The following SLC5A5 variants were observed in gnomAD, a reference collection of about 807,000 sequenced individuals.
SLC5A5 encodes sodium/iodide cotransporter.
In SLC5A5, 56 loss-of-function variants were observed where a neutral mutation model predicts 68.6. The ratio of observed to expected loss-of-function variants is 0.82; its 90% CI spans 0.66 to 1.02. The LOEUF (loss-of-function observed/expected upper bound fraction) is 1.02, where lower values mean the gene tolerates loss of function less well. Ranked by LOEUF, SLC5A5 falls within the 50% of genes least tolerant of loss-of-function variation. The probability of loss-of-function intolerance (pLI) is 0.00; values close to 1 mark genes in which losing one functional copy is unlikely to be tolerated. For synonymous variants in SLC5A5, 398 were observed against 373.0 expected (o/e 1.07, Z -0.77); for missense variants, 807 against 859.8 (o/e 0.94, Z 0.77).
chr19:17,894,152 T>TTTC lies in SLC5A5; in HGVS notation c.*277_*278insCTT. 2.8e-5 allele frequency: 11 copies of TTTC among 395,670 alleles called. No homozygotes were observed. The highest frequency in any genetic ancestry group is 4.9e-5 in the South Asian group (2 of 40,550). 24.5% of individuals were successfully genotyped at this position (395,670 alleles called of 1,614,324 possible). A position where few individuals can be genotyped will look rare whatever the true frequency, so the allele number is the denominator to read the frequency against. ...GGGTTTTTCTCTCTCTCTTTTTTTTTTTTTTTTTTTTTTGAGACAGGGTCA... is the reference window on the plus strand; with the variant it reads ...GGGTTTTTCTCTCTCTCTTTTTTTTTTTCTTTTTTTTTTTTTGAGACAGGGTCA... On this transcript the variant is annotated 3_prime_UTR_variant, in exon 15 of 15. Coordinates refer to ENST00000222248, the MANE Select transcript of SLC5A5 (RefSeq NM_000453.3).
intron 13 of SLC5A5, among the ~76,000 whole-genome samples, chr19:17,888,735 C>T (rs763996080): frequency 6.6e-6 from 1 of 151,522 alleles, no homozygotes; most frequent in Admixed American, 6.6e-5. Flanking sequence ...CAGATTCAAG[C>T]GATTCTCATG....
chr19:17,893,845 G>A lies in SLC5A5; in HGVS notation c.1900G>A (p.Gly634Ser), dbSNP rs745529879. ...TTGGACCCCCTGTGTTGGACATGAT[G>A]GTGGTCGAGACCAGCAGGAGACAAA... ...GSWTPCVGHD[G>S]GRDQQETNL Residue 634 changes from glycine to serine, a missense_variant, in exon 15 of 15, where the codon GGT becomes AGT. Coordinates refer to ENST00000222248, the MANE Select transcript of SLC5A5 (RefSeq NM_000453.3). 1.9e-6 allele frequency: 3 copies of A among 1,583,622 alleles called. No homozygotes were observed. The highest frequency in any genetic ancestry group is 2.7e-5 in the African/African-American group (2 of 73,982).
rs758630242 is a variant in SLC5A5 at position 17,874,725 on chromosome 19, G to C, written c.537G>C (p.Thr179=). Residue 179 remains threonine, a synonymous_variant, in exon 4 of 15, where the codon ACG becomes ACC. Transcript: ENST00000222248. ...CCGGAATTATCTGCACCTTCTACAC[G>C]GCTGTGGTGAGTGGCCCTGGGAACT... ...LSTGIICTFY[T]AVGGMKAVVW... is the part of the protein sequence containing the mutation. The C allele has an allele frequency of 6.2e-7, 1 of 1,614,080 alleles. No individual in the cohort carries two copies. Among genetic ancestry groups the C allele is most frequent in the Non-Finnish European group, 8.5e-7 (1 of 1,179,990 alleles).
In SLC5A5 at chr19:17,872,529, C is replaced by T. The variant is rs749639891; in HGVS notation, c.210C>T (p.Ala70=). The change falls in exon 1 of 15, where the codon GCC becomes GCT. Residue 70 remains alanine, a synonymous_variant. Transcript: ENST00000222248. ...CGCTGTCTGCCAGCTTCATGTCGGC[C>T]GTGCAGGTGCTGGGCGTGCCGTCGG... ...GLSLSASFMS[A]VQVLGVPSEA... is the part of the protein sequence containing the mutation. 1.2e-6 allele frequency: 2 copies of T among 1,612,646 alleles called. No homozygotes were observed. Among genetic ancestry groups the T allele is most frequent in the Non-Finnish European group, 8.5e-7 (1 of 1,179,918 alleles).
At position 17,882,051 on chromosome 19, in the gene SLC5A5, G is replaced by A. The variant is rs200231414; in HGVS notation, c.1150G>A (p.Val384Met). 6 of 1,614,062 alleles carry A rather than the reference G, an allele frequency of 3.7e-6. No homozygotes were observed. Among genetic ancestry groups the A allele is most frequent in the Admixed American group, 3.3e-5 (2 of 60,018 alleles). Residue 384 changes from valine (V) to methionine (M), a missense_variant, in exon 9 of 15, where the codon GTG becomes ATG. Coordinates refer to ENST00000222248, the MANE Select transcript of SLC5A5 (RefSeq NM_000453.3). ...RLRSLAPRKL[V>M]IISKGLSLIY... ...GCGGAGCCTGGCACCCAGGAAACTCGTGATTATCTCCAAGGGGCTCTGTGA... is the reference window on the plus strand; with the variant it reads ...GCGGAGCCTGGCACCCAGGAAACTCATGATTATCTCCAAGGGGCTCTGTGA...
intron 10 of SLC5A5, among the ~76,000 whole-genome samples, chr19:17,883,163 G>A (rs895003676): frequency 6.6e-6 from 1 of 151,810 alleles, no homozygotes; most frequent in African/African-American, 2.4e-5. Context: ...GTCTCGCTTC[G>A]TGCCTAGGCT....
intron 8 of SLC5A5, among the ~76,000 whole-genome samples, chr19:17,881,352 C>A (rs184071913): frequency 1.8e-3 from 270 of 152,058 alleles, no homozygotes; most frequent in African/African-American, 6.2e-3. Context: ...CTGCAACCTC[C>A]ACCTCCTGGG....
At chr19:17,872,940 A>C (rs1465943190) in intron 1 of SLC5A5, among the ~76,000 whole-genome samples, 1 of 152,088 alleles carries the variant, frequency 6.6e-6, no homozygotes. Flanking sequence ...GCCCGGCTCG[A>C]CCAGGTGTGT....
rs1389518713 is a variant in SLC5A5 at position 17,888,447 on chromosome 19, G to A, written c.1643G>A (p.Cys548Tyr). 14 of 1,613,634 alleles carry A rather than the reference G, an allele frequency of 8.7e-6. No individual in the cohort carries two copies. In the East Asian group the frequency reaches 2.5e-4, roughly 28 times the overall value. Reference protein sequence around the residue: ...TTVLCGALISCLTGPTKRSTL... With the variant: ...TTVLCGALISYLTGPTKRSTL... ...GTGCTGTGCGGAGCCCTCATCAGCT[G>A]CCTGACAGGTAGGTAAACAGAGCAT... The change falls in exon 13 of 15, where the codon TGC becomes TAC. Residue 548 changes from cysteine to tyrosine, a missense_variant. Physicochemically the swap from Cys to Tyr is radical, Grantham distance 194. Coordinates refer to ENST00000222248, the MANE Select transcript of SLC5A5 (RefSeq NM_000453.3).
At chr19:17,877,699 C>T in intron 5 of SLC5A5, 24 bp from the exon 6 acceptor site, 1 of 1,613,688 alleles carries the variant, frequency 6.2e-7, no homozygotes, top group Non-Finnish European at 8.5e-7. Context: ...CTCCACGTGG[C>T]TAACTTGCCC....
intron 12 of SLC5A5, among the ~76,000 whole-genome samples, chr19:17,885,843 T>A (rs2029895730): frequency 6.6e-6 from 1 of 151,966 alleles, no homozygotes; most frequent in African/African-American, 2.4e-5. Context: ...AAATATGTGA[T>A]CTTTTGTGTC....
At chr19:17,878,893 T>C (rs1334190940) in intron 7 of SLC5A5, among the ~76,000 whole-genome samples, 2 of 145,086 alleles carry the variant, frequency 1.4e-5, no homozygotes, top group Non-Finnish European at 3.0e-5. Context: ...GAGAATAGCT[T>C]GAACCCGGGA....
chr19:17,881,934 G>T (rs746615726), intron 8 of SLC5A5, 26 bp from the exon 9 acceptor site: 2 of 1,571,706 alleles, frequency 1.3e-6, no homozygotes, highest in South Asian at 1.1e-5. Flanking sequence ...ATGGCCTGAG[G>T]ACCCCCCGCT....
chr19:17,872,313 C>A lies in SLC5A5; in HGVS notation c.-7C>A, dbSNP rs527546875. 1.3e-6 allele frequency: 2 copies of A among 1,572,124 alleles called. No homozygotes were observed. Among genetic ancestry groups the A allele is most frequent in the South Asian group, 1.2e-5 (1 of 86,642 alleles). On this transcript the variant is annotated 5_prime_UTR_variant, in exon 1 of 15. Transcript: ENST00000222248. The stretch of plus-strand genomic sequence containing the variant: ...CGAGGACGCGCTGGGCCTCCGCACC[C>A]GCCCTCATGGAGGCCGTGGAGACCG...
At chr19:17,882,242 C>T (rs1359952886) in intron 10 of SLC5A5, 23 bp downstream of exon 10, 2 of 1,599,166 alleles carry the variant, frequency 1.3e-6, no homozygotes, top group Non-Finnish European at 1.7e-6. Context: ...CTGCCCCCTG[C>T]CCTGGTCTCC....
Position 17,874,217 on chromosome 19 carries a change from G to GC in SLC5A5, c.423+18dup. The GC allele has an allele frequency of 6.3e-7, 1 of 1,588,534 alleles. No individual in the cohort carries two copies. The highest frequency in any genetic ancestry group is 1.7e-5 in the Admixed American group (1 of 59,950). On this transcript the variant is annotated intron_variant, in intron 2 of 14. Coordinates refer to ENST00000222248, the MANE Select transcript of SLC5A5 (RefSeq NM_000453.3). Reference sequence around the variant, plus strand: ...ATTGTAGCCACGGTGAGTGGCCTCGGCCCCGCCCTCCGCTCAGGGCCCCGA... The same window carrying GC: ...ATTGTAGCCACGGTGAGTGGCCTCGGCCCCCGCCCTCCGCTCAGGGCCCCGA...
rs150704259 is a variant in SLC5A5, at chr19:17,880,900, T to C, written c.1005T>C (p.Asp335=). 3.5e-5 allele frequency: 57 copies of C among 1,613,930 alleles called. No individual in the cohort carries two copies. Among genetic ancestry groups the C allele is most frequent in the Non-Finnish European group, 4.7e-5 (55 of 1,180,010 alleles). ...TGCTGGTGCTGGACATCTTCGAAGA[T>C]CTGCCTGGAGTCCCCGGGCTTTTCC... ...MPLLVLDIFE[D]LPGVPGLFLA... is the part of the protein sequence containing the mutation. Residue 335 remains aspartate (D), a synonymous_variant, in exon 8 of 15, where the codon GAT becomes GAC. Transcript: ENST00000222248.
At chr19:17,892,019 C>T (rs995240537) in intron 14 of SLC5A5, among the ~76,000 whole-genome samples, 12 of 152,206 alleles carry the variant, frequency 7.9e-5, no homozygotes, top group South Asian at 6.2e-4. Context: ...GCTGTCAGGC[C>T]GGGCACGGTA....
Position 17,882,011 on chromosome 19 carries a change from C to A in SLC5A5, c.1110C>A (p.Leu370=). ...NAMAAVTVED[L]IKPRLRSLAP... is the part of the protein sequence containing the mutation. ...TGGCTGCAGTCACTGTAGAAGACCT[C>A]ATCAAACCTCGGCTGCGGAGCCTGG... Residue 370 remains leucine (L), a synonymous_variant, in exon 9 of 15, where the codon CTC becomes CTA. Transcript: ENST00000222248. 6.2e-7 allele frequency: 1 copy of A among 1,614,220 alleles called. No individual in the cohort carries two copies. Among genetic ancestry groups the A allele is most frequent in the Non-Finnish European group, 8.5e-7 (1 of 1,180,036 alleles).
Sources: allele counts gnomAD v4.1 joint callset (sites outside exome capture counted in the v4.1 genomes callset), GRCh38; gene constraint gnomAD v4.1.1; transcripts MANE v1.5; gene names NCBI Gene and HGNC (gene_info 2026-07-23, HGNC 2026-07-21).